The following PID1 variants were observed in gnomAD, a reference collection of about 807,000 sequenced individuals.
PID1 encodes phosphotyrosine interaction domain containing 1, also known as PTB-containing, cubilin and LRP1-interacting protein.
In PID1, 10 loss-of-function variants were observed where a neutral mutation model predicts 19.1. The ratio of observed to expected loss-of-function variants is 0.52; its 90% CI spans 0.32 to 0.89. The LOEUF (loss-of-function observed/expected upper bound fraction) is 0.89, where lower values mean the gene tolerates loss of function less well. Ranked by LOEUF, PID1 falls within the 40% of genes least tolerant of loss-of-function variation. The pLI is 0.03. For synonymous variants in PID1, 130 were observed against 116.0 expected, an observed-to-expected ratio of 1.12 and a Z score of -0.78; for missense variants, 248 against 285.3, an observed-to-expected ratio of 0.87 and a Z score of 0.94.
At chr2:229,270,405 G>C (rs1468630261) in intron 1 of PID1, among the ~76,000 whole-genome samples, 1 of 152,166 alleles carries the variant, frequency 6.6e-6, no homozygotes, top group Non-Finnish European at 1.5e-5. Context: ...GGAGACAGCA[G>C]TAAAAAACTT....
chr2:229,098,592 G>A (rs1220810053), intron 2 of PID1, among the ~76,000 whole-genome samples: 1 of 152,060 alleles, frequency 6.6e-6, no homozygotes, highest in Admixed American at 6.6e-5. Context: ...GGGCTGGGGG[G>A]GAAGAAATTA....
At chr2:229,087,088 A>G (rs1694783053) in intron 2 of PID1, among the ~76,000 whole-genome samples, 1 of 152,222 alleles carries the variant, frequency 6.6e-6, no homozygotes, top group African/African-American at 2.4e-5. Flanking sequence ...AGTCTGAGGC[A>G]TACACATTGT....
intron 2 of PID1, among the ~76,000 whole-genome samples, chr2:229,115,034 A>G (rs191661620): frequency 2.6e-4 from 39 of 152,360 alleles, no homozygotes; most frequent in Admixed American, 1.4e-3. Context: ...CAAGAATAAT[A>G]GAATACCTGA....
At chr2:229,026,609 T>G (rs546071427) in intron 2 of PID1, among the ~76,000 whole-genome samples, 1 of 152,352 alleles carries the variant, frequency 6.6e-6, no homozygotes, top group South Asian at 2.1e-4. Context: ...GCTGCCTGCT[T>G]CTAATGCCAA....
At chr2:229,086,270 A>G (rs1270781356) in intron 2 of PID1, among the ~76,000 whole-genome samples, 14 of 152,170 alleles carry the variant, frequency 9.2e-5, no homozygotes, top group Admixed American at 9.2e-4. Flanking sequence ...CATCTAACCT[A>G]CTGGACAGCG....
At chr2:229,267,999 GT>G (rs1690636743) in intron 1 of PID1, among the ~76,000 whole-genome samples, 1 of 152,146 alleles carries the variant, frequency 6.6e-6, no homozygotes, top group Non-Finnish European at 1.5e-5. Flanking sequence ...ACTGTAAAAA[GT>G]TGGGGTGGTA....
chr2:229,179,387 A>G (rs1690891604), intron 1 of PID1, among the ~76,000 whole-genome samples: 1 of 152,108 alleles, frequency 6.6e-6, no homozygotes, highest in African/African-American at 2.4e-5. Context: ...CTGGCTCCTA[A>G]TCTTATACCA....
rs147071231 is a variant in PID1 at position 229,111,929 on chromosome 2, G to A, written c.177+43889C>T. Reference sequence around the variant, plus strand: ...GATAACATTCTAGAGGGTTTAGCACGAAAAGAGAAAGGCTGGCTAAAGCTT... The same window carrying A: ...GATAACATTCTAGAGGGTTTAGCACAAAAAGAGAAAGGCTGGCTAAAGCTT... On this transcript the variant is annotated intron_variant, in intron 2 of 2. Coordinates refer to ENST00000392055, the MANE Select transcript of PID1 (RefSeq NM_001100818.2). 1.8e-3 allele frequency among the ~76,000 whole-genome samples: 267 copies of A among 152,292 alleles called. 2 individuals are homozygous for A. Among genetic ancestry groups the A allele is most frequent in the African/African-American group, 6.0e-3 (249 of 41,564 alleles).
At chr2:229,233,103 C>G (rs1229085751) in intron 1 of PID1, among the ~76,000 whole-genome samples, 1 of 151,902 alleles carries the variant, frequency 6.6e-6, no homozygotes, top group Non-Finnish European at 1.5e-5. Context: ...GAGAAGGCAG[C>G]GGATGTTTTC....
intron 2 of PID1, among the ~76,000 whole-genome samples, chr2:229,152,516 C>T (rs1559259049): frequency 6.6e-6 from 1 of 152,194 alleles, no homozygotes; most frequent in East Asian, 1.9e-4. Context: ...CCTAGGATTC[C>T]ATCTTGCTAG....
intron 2 of PID1, among the ~76,000 whole-genome samples, chr2:229,047,615 G>T (rs975174490): frequency 4.6e-5 from 7 of 152,086 alleles, no homozygotes; most frequent in Non-Finnish European, 8.8e-5. Flanking sequence ...GTGCTATTAG[G>T]CACTGTTTTA....
chr2:229,116,153 G>C (rs565970854), intron 2 of PID1, among the ~76,000 whole-genome samples: 1 of 152,198 alleles, frequency 6.6e-6, no homozygotes, highest in South Asian at 2.1e-4. Context: ...CGTGAACCTG[G>C]GAGGTGGAGC....
At chr2:229,154,967 G>A (rs953296568) in intron 2 of PID1, among the ~76,000 whole-genome samples, 15 of 152,192 alleles carry the variant, frequency 9.9e-5, no homozygotes, top group African/African-American at 2.4e-4. Flanking sequence ...TTGTTTCCAC[G>A]TTGGCATTAA....
intron 2 of PID1, among the ~76,000 whole-genome samples, chr2:229,155,451 T>C (rs1282912549): frequency 6.6e-6 from 1 of 152,084 alleles, no homozygotes; most frequent in African/African-American, 2.4e-5. Context: ...CTGTAGCCTG[T>C]AGTCCCAGCT....
At chr2:229,259,304 C>G (rs939058776) in intron 1 of PID1, among the ~76,000 whole-genome samples, 4 of 152,136 alleles carry the variant, frequency 2.6e-5, no homozygotes, top group Non-Finnish European at 5.9e-5. Flanking sequence ...TTTCTCCCAG[C>G]CTGAATCTTA....
intron 1 of PID1, among the ~76,000 whole-genome samples, chr2:229,164,065 T>C (rs1377969948): frequency 1.3e-5 from 2 of 152,210 alleles, no homozygotes; most frequent in African/African-American, 4.8e-5. Flanking sequence ...CAGCTGACTG[T>C]TGCAACTGCC....
intron 1 of PID1, among the ~76,000 whole-genome samples, chr2:229,163,674 T>TGTGTGCGC (rs374622113): frequency 0.17 from 15,938 of 94,224 alleles, 1,016 homozygotes; most frequent in East Asian, 0.4. Context: ...TGTGTGTGTG[T>TGTGTGCGC]GCGTGTGCGT....
chr2:229,194,669 A>G (rs1691332770), intron 1 of PID1, among the ~76,000 whole-genome samples: 1 of 152,024 alleles, frequency 6.6e-6, no homozygotes, highest in African/African-American at 2.4e-5. Flanking sequence ...TAAAAATTTC[A>G]TAATGTATAT....
At chr2:229,192,816 A>C (rs1691290284) in intron 1 of PID1, among the ~76,000 whole-genome samples, 1 of 152,160 alleles carries the variant, frequency 6.6e-6, no homozygotes, top group South Asian at 2.1e-4. Context: ...TCTTATTATT[A>C]TTACTAGGCC....
Sources: allele counts gnomAD v4.1 joint callset (sites outside exome capture counted in the v4.1 genomes callset), GRCh38; gene constraint gnomAD v4.1.1; transcripts MANE v1.5; gene names NCBI Gene and HGNC (gene_info 2026-07-23, HGNC 2026-07-21).